CDK13: variants seen among roughly 807,000 people sequenced by gnomAD.
CDK13 encodes the protein cyclin dependent kinase 13, also known as cyclin-dependent kinase 13.
A neutral mutation model predicts 137.6 loss-of-function variants in CDK13; 40 were observed. The ratio of observed to expected loss-of-function variants is 0.29; its 90% CI spans 0.23 to 0.38. The LOEUF (loss-of-function observed/expected upper bound fraction) is 0.38. CDK13 is among the 10% of genes least tolerant of loss of function. CDK13 has a pLI of 1.00. For missense variants in CDK13, 1,704 were observed against 1,951.8 expected, an observed-to-expected ratio of 0.87 and a Z score of 2.39; for synonymous variants, 869 against 760.1, an observed-to-expected ratio of 1.14 and a Z score of -2.36.
chr7:39,965,071 G>A (rs995690111), intron 1 of CDK13, among the ~76,000 whole-genome samples: 1 of 152,138 alleles, frequency 6.6e-6, no homozygotes, highest in African/African-American at 2.4e-5. Flanking sequence ...GAATAGGTGT[G>A]GTGTGGTGCT....
intron 5 of CDK13, among the ~76,000 whole-genome samples, chr7:40,042,423 A>G (rs974308515): frequency 6.9e-6 from 1 of 145,342 alleles, no homozygotes; most frequent in African/African-American, 2.6e-5. Flanking sequence ...TATTAAGGAT[A>G]TTAATCTAGT....
chr7:40,071,841 A>C (rs1786428529), intron 9 of CDK13: 2 of 152,216 alleles, frequency 1.3e-5, no homozygotes, highest in African/African-American at 4.8e-5. Context: ...GTTTTCCTTC[A>C]AGTGACAAGC....
Position 40,053,121 on chromosome 7 carries a change from A to G in CDK13, c.2600+5244A>G, listed in dbSNP as rs145966935. Among the ~76,000 whole-genome samples the G allele has an allele frequency of 4.6e-5, 7 of 152,316 alleles. No individual in the cohort carries two copies. In the East Asian group the frequency reaches 1.3e-3, roughly 29 times the overall value. On this transcript the variant is annotated intron_variant, in intron 7 of 13. Coordinates refer to ENST00000181839, the MANE Select transcript of CDK13 (RefSeq NM_003718.5). ...GAGTAGTCTTCATTTTTGAGCATATAAAGTGGAAAGAATTCCCCCCTCCTT... is the reference window on the plus strand; with the variant it reads ...GAGTAGTCTTCATTTTTGAGCATATGAAGTGGAAAGAATTCCCCCCTCCTT...
intron 5 of CDK13, among the ~76,000 whole-genome samples, chr7:40,016,128 A>G (rs1785000319): frequency 6.6e-6 from 1 of 152,230 alleles, no homozygotes; most frequent in Admixed American, 6.5e-5. Flanking sequence ...TTTAGAGCAC[A>G]TTAAGCTAAA....
intron 1 of CDK13, among the ~76,000 whole-genome samples, chr7:39,975,956 G>A (rs1252472847): frequency 3.9e-5 from 6 of 152,128 alleles, no homozygotes; most frequent in Non-Finnish European, 8.8e-5. Flanking sequence ...CAAGTACTGT[G>A]TGATCAGCAA....
intron 5 of CDK13, among the ~76,000 whole-genome samples, chr7:40,042,846 C>T (rs1252435328): frequency 6.6e-6 from 1 of 151,854 alleles, no homozygotes; most frequent in Non-Finnish European, 1.5e-5. Flanking sequence ...TGCAGTGGCC[C>T]TGCAGCCACA....
intron 5 of CDK13, among the ~76,000 whole-genome samples, chr7:40,011,307 G>A (rs1784889459): frequency 6.6e-6 from 1 of 152,204 alleles, no homozygotes; most frequent in African/African-American, 2.4e-5. Flanking sequence ...AGGATCAGTT[G>A]AGTCCAGGAG....
At chr7:39,991,239 C>G (rs900672031) in intron 2 of CDK13, among the ~76,000 whole-genome samples, 4 of 152,132 alleles carry the variant, frequency 2.6e-5, no homozygotes, top group African/African-American at 9.7e-5. Flanking sequence ...AACTATTTCT[C>G]TTGAGGTAAA....
chr7:40,087,642 G>A (rs528976377), intron 11 of CDK13, among the ~76,000 whole-genome samples: 1 of 139,556 alleles, frequency 7.2e-6, no homozygotes, highest in South Asian at 2.4e-4. Flanking sequence ...TCCACCTCCC[G>A]GGTTCATGCC....
chr7:40,045,664 T>C (rs866471065), intron 5 of CDK13, among the ~76,000 whole-genome samples, 172 bp from the exon 6 acceptor site: 21 of 151,992 alleles, frequency 1.4e-4, no homozygotes, highest in African/African-American at 5.1e-4. Flanking sequence ...TGGGATTTAT[T>C]TATTAATATT....
chr7:39,956,795 C>T (rs1291214017), intron 1 of CDK13, among the ~76,000 whole-genome samples: 1 of 152,128 alleles, frequency 6.6e-6, no homozygotes, highest in Non-Finnish European at 1.5e-5. Context: ...CCATGTTGCT[C>T]TGACTTGTCT....
intron 3 of CDK13, 102 bp downstream of exon 3, chr7:39,997,766 C>A: frequency 1.2e-6 from 1 of 826,904 alleles, no homozygotes; most frequent in Non-Finnish European, 1.9e-6. Flanking sequence ...AAAAAATGTA[C>A]TTATTCTTTC....
rs760779094 is a variant in CDK13, at chr7:39,951,610, C to T, written c.969C>T (p.Asp323=). Residue 323 remains aspartate (D), a synonymous_variant, in exon 1 of 14, where the codon GAC becomes GAT. Coordinates refer to ENST00000181839, the MANE Select transcript of CDK13 (RefSeq NM_003718.5). The stretch of plus-strand genomic sequence containing the variant: ...CCCTCAGCCCACTGGGAGGCCGGGA[C>T]GACAGCCCGGTGTCCCACAGGGCCT... The part of the protein sequence containing the change: ...RRSLSPLGGR[D]DSPVSHRASQ... The T allele has an allele frequency of 3.4e-6, 5 of 1,480,638 alleles. No homozygotes were observed. The highest frequency in any genetic ancestry group is 1.3e-5 in the South Asian group (1 of 74,382). The allele number at this position is 1,480,638 out of a possible 1,614,324, so 91.7% of individuals were successfully genotyped here.
intron 1 of CDK13, among the ~76,000 whole-genome samples, chr7:39,960,301 A>G (rs1787572899): frequency 6.6e-6 from 1 of 151,330 alleles, no homozygotes; most frequent in South Asian, 2.1e-4. Flanking sequence ...GCTGGAGTGC[A>G]GTGGCACGCA....
At chr7:40,084,576 G>A (rs1259925120) in intron 11 of CDK13, among the ~76,000 whole-genome samples, 2 of 152,180 alleles carry the variant, frequency 1.3e-5, no homozygotes, top group South Asian at 2.1e-4. Context: ...TAGACTAGCA[G>A]CCAGCCTGTA....
intron 5 of CDK13, among the ~76,000 whole-genome samples, chr7:40,020,885 G>A (rs1785102138): frequency 6.6e-6 from 1 of 151,990 alleles, no homozygotes; most frequent in Non-Finnish European, 1.5e-5. Context: ...AAGGTCAAGA[G>A]ATGGAGACCA....
chr7:40,059,019 A>G (rs1204336232), intron 7 of CDK13, among the ~76,000 whole-genome samples: 1 of 152,140 alleles, frequency 6.6e-6, no homozygotes, highest in African/African-American at 2.4e-5. Flanking sequence ...AAAATGAAAC[A>G]TTTTAGAGCT....
rs920157996 is a variant in CDK13, at chr7:40,077,924, A to G, written c.2781-81A>G. The G allele has an allele frequency of 3.8e-5, 22 of 585,198 alleles. No homozygotes were observed. In the East Asian group the frequency reaches 6.4e-4, roughly 17 times the overall value. The allele number at this position is 585,198 out of a possible 1,614,324, so 36.3% of individuals were successfully genotyped here. On this transcript the variant is annotated intron_variant, in intron 9 of 13. Coordinates refer to ENST00000181839, the MANE Select transcript of CDK13 (RefSeq NM_003718.5). The stretch of plus-strand genomic sequence containing the variant: ...GGCTTCAATTTTTGTGTATTTAAAA[A>G]TGAGTTGATGTTTTGTATAACAGTT...
chr7:40,088,615 T>C (rs1389692524), intron 12 of CDK13, among the ~76,000 whole-genome samples: 1 of 152,208 alleles, frequency 6.6e-6, no homozygotes, highest in Non-Finnish European at 1.5e-5. Flanking sequence ...GTAGGTCTTT[T>C]ACTGACACTA....
Sources: allele counts gnomAD v4.1 joint callset (sites outside exome capture counted in the v4.1 genomes callset), GRCh38; gene constraint gnomAD v4.1.1; transcripts MANE v1.5; gene names NCBI Gene and HGNC (gene_info 2026-07-23, HGNC 2026-07-21).